UNC79: variants seen among roughly 807,000 people sequenced by gnomAD.
UNC79 encodes the protein unc-79 subunit of NALCN channel complex.
A neutral mutation model predicts 283.1 loss-of-function variants in UNC79; 37 were observed. The observed-to-expected ratio is 0.13, with a 90% confidence interval of 0.10 to 0.17. The LOEUF (loss-of-function observed/expected upper bound fraction) is 0.17. Ranked by LOEUF, UNC79 falls within the 10% of genes least tolerant of loss-of-function variation. The pLI is 1.00. For missense variants in UNC79, 2,272 were observed against 3,211.1 expected (o/e 0.71, Z 7.07); for synonymous variants, 1,107 against 1,200.2 (o/e 0.92, Z 1.61).
chr14:93,563,002 C>G (rs1169030162), intron 14 of UNC79, among the ~76,000 whole-genome samples: 1 of 152,046 alleles, frequency 6.6e-6, no homozygotes, highest in Non-Finnish European at 1.5e-5. Flanking sequence ...TAGATTTCCA[C>G]TATGGAAAGG....
intron 1 of UNC79, among the ~76,000 whole-genome samples, chr14:93,346,946 T>C (rs2053848737): frequency 6.7e-6 from 1 of 149,466 alleles, no homozygotes; most frequent in East Asian, 2.0e-4. Flanking sequence ...CAGGGGGTAC[T>C]GAACTGAAGA....
chr14:93,412,949 A>G (rs1173675485), intron 1 of UNC79, among the ~76,000 whole-genome samples: 1 of 152,218 alleles, frequency 6.6e-6, no homozygotes, highest in Non-Finnish European at 1.5e-5. Flanking sequence ...GTCTTAAGGT[A>G]TAAAACTCAC....
chr14:93,690,208 G>C lies in UNC79; in HGVS notation c.7177G>C (p.Ala2393Pro). The stretch of plus-strand genomic sequence containing the variant: ...CACTCACAATGCAGTGTGCCCAAAT[G>C]CCTCCTCTCCCTGCCTGCCCATTCC... Residue 2393 changes from alanine to proline, a missense_variant, in exon 45 of 49, where the codon GCC becomes CCC. Transcript: ENST00000555664. This position sits in a 1 kb window ranked among gnomAD's most constrained non-coding sequence, Gnocchi z 4.3. The C allele has an allele frequency of 6.2e-7, 1 of 1,614,120 alleles. No homozygotes were observed. The highest frequency in any genetic ancestry group is 8.5e-7 in the Non-Finnish European group (1 of 1,180,034).
intron 1 of UNC79, among the ~76,000 whole-genome samples, chr14:93,434,373 A>AT (rs201836823): frequency 6.0e-5 from 9 of 150,974 alleles, no homozygotes; most frequent in South Asian, 4.2e-4. Context: ...GAAGAGTTAA[A>AT]TTTTTTTTTT....
rs35267402 is a variant in UNC79, at chr14:93,386,927, C to CTTTTTT, written c.-351+53431_-351+53436dup. 1.1e-3 allele frequency among the ~76,000 whole-genome samples: 29 copies of CTTTTTT among 27,190 alleles called. 8 individuals carry two copies. The highest frequency in any genetic ancestry group is 1.3e-3 in the Non-Finnish European group (21 of 16,380). 17.8% of individuals were successfully genotyped at this position (27,190 alleles called of 152,430 possible). ...TTCATTTCAATTTCATGTATTTCTG[C>CTTTTTT]TTTTTTTTTTTTTTTTTTTTTTTTT... On this transcript the variant is annotated intron_variant, in intron 1 of 49. Coordinates refer to the UNC79 transcript ENST00000256339.
At chr14:93,677,136 C>T (rs562163028) in intron 41 of UNC79, among the ~76,000 whole-genome samples, 1 of 152,274 alleles carries the variant, frequency 6.6e-6, no homozygotes, top group South Asian at 2.1e-4. Flanking sequence ...TCTATAAACT[C>T]TTAAGCAATT....
At chr14:93,656,005 C>T (rs531080764) in intron 38 of UNC79, among the ~76,000 whole-genome samples, 2 of 152,284 alleles carry the variant, frequency 1.3e-5, no homozygotes, top group South Asian at 2.1e-4. Flanking sequence ...AAAGATCATC[C>T]CTTCCAATGC....
intron 1 of UNC79, among the ~76,000 whole-genome samples, chr14:93,455,912 TTGTGTGTGTGTGTGTGTG>T (rs10654684): frequency 6.9e-6 from 1 of 144,128 alleles, no homozygotes; most frequent in East Asian, 2.0e-4. Context: ...GTACAATGGA[TTGTGTGTGTGTGTGTGTG>T]TGTGTGTGTG....
At chr14:93,595,543 C>T (rs2065018817) in intron 23 of UNC79, among the ~76,000 whole-genome samples, 2 of 152,176 alleles carry the variant, frequency 1.3e-5, no homozygotes. Flanking sequence ...CACACCCTTG[C>T]TGTGTTCCCA....
At position 93,641,014 on chromosome 14, in the gene UNC79, T is replaced by C. The variant is rs17129143; in HGVS notation, c.5801-131T>C. The C allele has an allele frequency of 2.8e-3, 1,833 of 643,666 alleles. 33 individuals are homozygous for C. In the African/African-American group the frequency reaches 0.031, roughly 11 times the overall value. 39.9% of individuals were successfully genotyped at this position (643,666 alleles called of 1,614,324 possible). A position where few individuals can be genotyped will look rare whatever the true frequency, so the allele number is the denominator to read the frequency against. Reference sequence around the variant, plus strand: ...TTTCATGATTGAGGGCTTTCTGCAGTACAGTTGGGATGTCCAAGTTGTATT... The same window carrying C: ...TTTCATGATTGAGGGCTTTCTGCAGCACAGTTGGGATGTCCAAGTTGTATT... On this transcript the variant is annotated intron_variant, in intron 32 of 48. Transcript: ENST00000555664.
At chr14:93,645,273 G>A (rs2069473981) in intron 34 of UNC79, among the ~76,000 whole-genome samples, 1 of 152,184 alleles carries the variant, frequency 6.6e-6, no homozygotes, top group South Asian at 2.1e-4. Flanking sequence ...CAACTGTTAG[G>A]ATTGAAACAC....
intron 29 of UNC79, among the ~76,000 whole-genome samples, chr14:93,619,220 C>G (rs773096631): frequency 2.8e-4 from 42 of 152,266 alleles, no homozygotes; most frequent in Non-Finnish European, 4.7e-4. Context: ...TCTTTAAGTT[C>G]TGGTACCATT....
intron 1 of UNC79, among the ~76,000 whole-genome samples, chr14:93,363,324 G>A (rs1165080533): frequency 6.6e-6 from 1 of 152,162 alleles, no homozygotes. Flanking sequence ...TAGCTTGAGA[G>A]CGTAATTGTT....
intron 1 of UNC79, among the ~76,000 whole-genome samples, chr14:93,392,123 A>C (rs1463311980): frequency 6.6e-6 from 1 of 152,232 alleles, no homozygotes; most frequent in East Asian, 1.9e-4. Context: ...GGGAGACATG[A>C]ATCTTAATGT....
intron 47 of UNC79, among the ~76,000 whole-genome samples, chr14:93,697,687 C>G (rs535950392): frequency 6.6e-6 from 1 of 152,184 alleles, no homozygotes; most frequent in South Asian, 2.1e-4. Context: ...GGGAGGATTG[C>G]TTGGGTCAAG....
At chr14:93,635,167 A>G (rs1238573440) in intron 31 of UNC79, among the ~76,000 whole-genome samples, 1 of 152,164 alleles carries the variant, frequency 6.6e-6, no homozygotes, top group Non-Finnish European at 1.5e-5. Context: ...TCTAACCTCA[A>G]TTTTAAAGTA....
intron 1 of UNC79, chr14:93,347,431 C>A: frequency 7.0e-7 from 1 of 1,438,016 alleles, no homozygotes; most frequent in Non-Finnish European, 9.1e-7. Context: ...GGGCGGGAAG[C>A]GCGTGGCCCT....
intron 4 of UNC79, among the ~76,000 whole-genome samples, chr14:93,479,528 C>T (rs559155270): frequency 6.6e-6 from 1 of 151,992 alleles, no homozygotes; most frequent in Non-Finnish European, 1.5e-5. Context: ...AAACTCCTGA[C>T]CTCAGGTGAT....
intron 1 of UNC79, among the ~76,000 whole-genome samples, chr14:93,459,935 G>T (rs1461876371): frequency 2.0e-5 from 2 of 97,630 alleles, no homozygotes; most frequent in Non-Finnish European, 4.0e-5. Flanking sequence ...CTCCCAAAGT[G>T]CTGGGATTAT....
Sources: allele counts gnomAD v4.1 joint callset (sites outside exome capture counted in the v4.1 genomes callset), GRCh38; gene constraint gnomAD v4.1.1; non-coding constraint Gnocchi (gnomAD v3.1); transcripts MANE v1.5; gene names NCBI Gene and HGNC (gene_info 2026-07-23, HGNC 2026-07-21).